Variants in FAXC observed in about 807,000 individuals in gnomAD.
FAXC encodes the protein failed axon connections homolog, metaxin like GST domain containing.
Under a neutral mutation model 41.9 loss-of-function variants are expected in FAXC, and 10 were observed. That is an observed-to-expected ratio of 0.24 (90% confidence interval 0.15 to 0.41). The LOEUF is 0.41. Ranked by LOEUF, FAXC falls within the 10% of genes least tolerant of loss-of-function variation. The pLI, the probability that FAXC is intolerant of heterozygous loss-of-function variation, is 1.00. For missense variants in FAXC, 399 were observed against 510.9 expected, an observed-to-expected ratio of 0.78 and a Z score of 2.11; for synonymous variants, 183 against 183.8, an observed-to-expected ratio of 1.00 and a Z score of 0.03.
In FAXC at chr6:99,284,737, AC is replaced by A. The variant is rs923892055; in HGVS notation, c.941-3285del. ...ATACCAGCCTGGCCAACATGGCGAA[AC>A]CCCATCTCTACTAAAAAATGCAAAA... On this transcript the variant is annotated intron_variant, in intron 5 of 5. Coordinates refer to ENST00000389677, the MANE Select transcript of FAXC (RefSeq NM_032511.4). Among the ~76,000 whole-genome samples the A allele has an allele frequency of 1.2e-4, 18 of 152,002 alleles. 1 individual carries two copies.
intron 1 of FAXC, among the ~76,000 whole-genome samples, chr6:99,345,278 C>T (rs1452756132): frequency 6.6e-6 from 1 of 152,182 alleles, no homozygotes; most frequent in Non-Finnish European, 1.5e-5. Flanking sequence ...TGAATTTTCA[C>T]CTTGACAAAC....
At position 99,273,635 on chromosome 6, in the gene FAXC, T is replaced by C. The variant is rs1770493487; in HGVS notation, c.*7529A>G. 6.6e-6 allele frequency: 1 copy of C among 151,376 alleles called. No individual in the cohort carries two copies. Among genetic ancestry groups the C allele is most frequent in the Non-Finnish European group, 1.5e-5 (1 of 67,902 alleles). 9.4% of individuals were successfully genotyped at this position (151,376 alleles called of 1,614,324 possible). A position where few individuals can be genotyped will look rare whatever the true frequency, so the allele number is the denominator to read the frequency against. Reference sequence around the variant, plus strand: ...CCCAACCAAAAATGCCTATTTTAAGTAAAAATAATTAAATACCTTGACCTA... The same window carrying C: ...CCCAACCAAAAATGCCTATTTTAAGCAAAAATAATTAAATACCTTGACCTA... On this transcript the variant is annotated 3_prime_UTR_variant, in exon 6 of 6. Coordinates refer to ENST00000389677, the MANE Select transcript of FAXC (RefSeq NM_032511.4).
intron 4 of FAXC, among the ~76,000 whole-genome samples, chr6:99,306,854 T>TG (rs1771941123): frequency 6.6e-6 from 1 of 152,220 alleles, no homozygotes; most frequent in Non-Finnish European, 1.5e-5. Context: ...AGAATAGTGC[T>TG]GGCACGGAGT....
At chr6:99,349,829 G>C (rs1410658460), upstream of FAXC, among the ~76,000 whole-genome samples, 1 of 152,048 alleles carries the variant, frequency 6.6e-6, no homozygotes, top group Admixed American at 6.5e-5. Context: ...CCGCGCCTCC[G>C]GGCGGCACGC....
intron 5 of FAXC, among the ~76,000 whole-genome samples, chr6:99,288,619 G>T (rs1329192245): frequency 6.6e-6 from 1 of 152,138 alleles, no homozygotes; most frequent in South Asian, 2.1e-4. Context: ...CCAATGTATT[G>T]CAAAACAAGG....
At chr6:99,330,107 A>G (rs1353714932) in intron 3 of FAXC, among the ~76,000 whole-genome samples, 1 of 151,896 alleles carries the variant, frequency 6.6e-6, no homozygotes, top group East Asian at 1.9e-4. Context: ...CAATCCTCCT[A>G]CCTCAGCTTC....
At chr6:99,338,290 C>G (rs1773291181) in intron 2 of FAXC, among the ~76,000 whole-genome samples, 3 of 152,180 alleles carry the variant, frequency 2.0e-5, no homozygotes, top group Admixed American at 2.0e-4. Context: ...CAAGCCCCTT[C>G]TTGAAGACCT....
chr6:99,281,824 A>T (rs905453031), intron 5 of FAXC, among the ~76,000 whole-genome samples: 1 of 152,008 alleles, frequency 6.6e-6, no homozygotes, highest in African/African-American at 2.4e-5. Context: ...ACTTTTCCAG[A>T]CTCCACAACT....
At chr6:99,338,053 C>A (rs756733606) in intron 2 of FAXC, among the ~76,000 whole-genome samples, 1 of 152,168 alleles carries the variant, frequency 6.6e-6, no homozygotes, top group Non-Finnish European at 1.5e-5. Flanking sequence ...TGCATCAGTA[C>A]AAATCCCCAC....
chr6:99,329,614 C>T (rs1264154503), intron 3 of FAXC, among the ~76,000 whole-genome samples: 1 of 152,082 alleles, frequency 6.6e-6, no homozygotes, highest in Non-Finnish European at 1.5e-5. Context: ...ATTACATCAA[C>T]TCCCCCAAAC....
At chr6:99,345,424 TACAG>T (rs948441800) in intron 1 of FAXC, among the ~76,000 whole-genome samples, 78 of 152,344 alleles carry the variant, frequency 5.1e-4, no homozygotes, top group African/African-American at 1.8e-3. Context: ...TGTGGTTGGT[TACAG>T]ACAGAGTCTG....
chr6:99,319,324 G>A (rs192746091), intron 4 of FAXC, among the ~76,000 whole-genome samples: 2 of 151,122 alleles, frequency 1.3e-5, no homozygotes, highest in East Asian at 3.9e-4. Context: ...GCGTGATCCC[G>A]CGAAGCGGAG....
chr6:99,305,763 G>A (rs765816343), intron 4 of FAXC, among the ~76,000 whole-genome samples: 10 of 150,096 alleles, frequency 6.7e-5, no homozygotes, highest in Non-Finnish European at 1.3e-4. Context: ...TATACATAAG[G>A]GTATATATTA....
At chr6:99,293,559 T>C (rs1034164030) in intron 4 of FAXC, among the ~76,000 whole-genome samples, 47 of 152,252 alleles carry the variant, frequency 3.1e-4, no homozygotes, top group African/African-American at 1.0e-3. Context: ...AACTATAAAA[T>C]GAGAAGAATA....
At chr6:99,281,567 G>T in intron 5 of FAXC, 114 bp from the exon 6 acceptor site, 1 of 843,728 alleles carries the variant, frequency 1.2e-6, no homozygotes, top group Non-Finnish European at 1.9e-6. Flanking sequence ...CAATGTGATG[G>T]TCTAAGGAGG....
At chr6:99,302,969 G>C (rs1771771963) in intron 4 of FAXC, among the ~76,000 whole-genome samples, 1 of 151,934 alleles carries the variant, frequency 6.6e-6, no homozygotes, top group African/African-American at 2.4e-5. Context: ...ACTGCTCTTT[G>C]ACTTTTCTGT....
At chr6:99,346,566 G>GTTT (rs1161569990) in intron 1 of FAXC, among the ~76,000 whole-genome samples, 1 of 149,452 alleles carries the variant, frequency 6.7e-6, no homozygotes, top group Non-Finnish European at 1.5e-5. Context: ...TTTTTGTGGG[G>GTTT]TTTTTTTGTT....
rs55895848 is a variant in FAXC at position 99,288,859 on chromosome 6, T to TACACACACACACACACACACACAC, written c.940+2821_940+2844dup. 8.9e-3 allele frequency among the ~76,000 whole-genome samples: 1,291 copies of TACACACACACACACACACACACAC among 145,814 alleles called. 20 individuals carry two copies. The highest frequency in any genetic ancestry group is 0.029 in the East Asian group (144 of 4,890). ...ATGCACATGAATCGACACACACACA[T>TACACACACACACACACACACACAC]ACACACACACACACACACACACACA... On this transcript the variant is annotated intron_variant, in intron 5 of 5. Coordinates refer to ENST00000389677, the MANE Select transcript of FAXC (RefSeq NM_032511.4).
chr6:99,318,306 C>CACACACACAAAAAA (rs147852055), intron 4 of FAXC, among the ~76,000 whole-genome samples: 21 of 135,316 alleles, frequency 1.6e-4, no homozygotes, highest in Non-Finnish European at 3.0e-4. Context: ...CACACACACA[C>CACACACACAAAAAA]AAAATAGAAG....
Sources: gnomAD v4.1 joint callset for allele counts (sites outside exome capture counted in the v4.1 genomes callset) on GRCh38, gnomAD v4.1.1 for gene constraint, MANE v1.5 for transcripts, NCBI Gene and HGNC (gene_info 2026-07-23, HGNC 2026-07-21) for gene names.